CDH12: variants seen among roughly 807,000 people sequenced by gnomAD.
CDH12 encodes cadherin-12.
CDH12 carries 41 observed loss-of-function variants against 74.1 expected under a neutral mutation model. The ratio of observed to expected loss-of-function variants is 0.55; its 90% CI spans 0.43 to 0.72. The LOEUF (loss-of-function observed/expected upper bound fraction) is 0.72. Ranked by LOEUF, CDH12 falls within the 30% of genes least tolerant of loss-of-function variation. CDH12 has a pLI of 0.00. For synonymous variants in CDH12, 399 were observed against 355.0 expected (o/e 1.12, Z -1.39); for missense variants, 945 against 977.2 (o/e 0.97, Z 0.44).
chr5:22,267,431 CT>C (rs1736174766), intron 3 of CDH12, among the ~76,000 whole-genome samples: 1 of 152,080 alleles, frequency 6.6e-6, no homozygotes, highest in African/African-American at 2.4e-5. Flanking sequence ...AATCACAGTG[CT>C]TTATTCTAGA....
chr5:22,476,099 A>T (rs1267042364), intron 2 of CDH12, among the ~76,000 whole-genome samples: 1 of 152,034 alleles, frequency 6.6e-6, no homozygotes, highest in African/African-American at 2.4e-5. Context: ...TATGAATTTG[A>T]GCTAAAATGA....
At chr5:21,944,695 A>G (rs1755489126) in intron 6 of CDH12, among the ~76,000 whole-genome samples, 2 of 152,296 alleles carry the variant, frequency 1.3e-5, no homozygotes, top group African/African-American at 4.8e-5. Flanking sequence ...CCTTGGAAGC[A>G]ACCAAGTGGT....
chr5:22,070,665 C>T (rs1172988554), intron 5 of CDH12, among the ~76,000 whole-genome samples: 1 of 152,186 alleles, frequency 6.6e-6, no homozygotes, highest in Non-Finnish European at 1.5e-5. Context: ...TACACAACTG[C>T]ATGAACCAAT....
At chr5:22,407,478 T>C (rs1742988768) in intron 2 of CDH12, among the ~76,000 whole-genome samples, 1 of 152,114 alleles carries the variant, frequency 6.6e-6, no homozygotes. Context: ...CTTCCCCAAC[T>C]CTAAGTTTTC....
intron 3 of CDH12, among the ~76,000 whole-genome samples, chr5:22,346,219 G>T (rs867198750): frequency 2.0e-5 from 3 of 151,888 alleles, no homozygotes; most frequent in South Asian, 2.1e-4. Context: ...AAATAAAAAG[G>T]TGTCATTCTA....
chr5:22,511,960 C>A (rs1736631983), intron 1 of CDH12, among the ~76,000 whole-genome samples: 1 of 147,292 alleles, frequency 6.8e-6, no homozygotes, highest in Non-Finnish European at 1.5e-5. Flanking sequence ...TGTGTGTGTA[C>A]ATTCAATTAT....
At chr5:22,727,289 T>TC (rs1744209565) in intron 1 of CDH12, among the ~76,000 whole-genome samples, 1 of 151,834 alleles carries the variant, frequency 6.6e-6, no homozygotes, top group Non-Finnish European at 1.5e-5. Flanking sequence ...ATTTGACTGT[T>TC]AATTAGTCTG....
At chr5:22,085,678 G>C (rs1400459378) in intron 4 of CDH12, among the ~76,000 whole-genome samples, 1 of 151,672 alleles carries the variant, frequency 6.6e-6, no homozygotes, top group African/African-American at 2.4e-5. Flanking sequence ...ATAAGGGAAG[G>C]CTTTATTTTC....
At chr5:22,160,009 T>A (rs1171727453) in intron 4 of CDH12, among the ~76,000 whole-genome samples, 1 of 152,052 alleles carries the variant, frequency 6.6e-6, no homozygotes, top group East Asian at 1.9e-4. Context: ...GGAGTAAAAA[T>A]AAAATATGTA....
intron 3 of CDH12, among the ~76,000 whole-genome samples, chr5:22,260,483 A>G (rs1330560966): frequency 6.6e-6 from 1 of 152,046 alleles, no homozygotes; most frequent in African/African-American, 2.4e-5. Context: ...ATCCACAGCC[A>G]TTTATCTTTT....
At chr5:22,487,125 C>T (rs1489074896) in intron 2 of CDH12, among the ~76,000 whole-genome samples, 1 of 151,800 alleles carries the variant, frequency 6.6e-6, no homozygotes, top group Non-Finnish European at 1.5e-5. Context: ...GCCTCAGCCT[C>T]CTGAGTAGCT....
At chr5:22,244,983 G>C (rs1429121549) in intron 3 of CDH12, among the ~76,000 whole-genome samples, 2 of 152,148 alleles carry the variant, frequency 1.3e-5, no homozygotes, top group African/African-American at 4.8e-5. Flanking sequence ...AAGAGTCAGT[G>C]AAGGGACCTT....
chr5:22,091,267 G>A (rs1452614774), intron 4 of CDH12, among the ~76,000 whole-genome samples: 2 of 147,700 alleles, frequency 1.4e-5, no homozygotes, highest in Non-Finnish European at 3.0e-5. Context: ...TAAGATATTT[G>A]TGTGTGTGTT....
At chr5:21,975,950 C>T (rs1227946022) in intron 5 of CDH12, among the ~76,000 whole-genome samples, 4 of 151,972 alleles carry the variant, frequency 2.6e-5, no homozygotes, top group African/African-American at 9.7e-5. Flanking sequence ...TCCAAGTGTT[C>T]TGAAGATGAA....
In CDH12 at chr5:21,837,475, T is replaced by G. The variant is rs558393000; in HGVS notation, c.814+4686A>C. On this transcript the variant is annotated intron_variant, in intron 8 of 14. Transcript: ENST00000382254. ...AAGTTCATCTGGAGAAAGGTTTTTT[T>G]TTTTTTTTTAGCATAAGTGCTTAAG... is the stretch of plus-strand genomic sequence containing the variant. 5.3e-5 allele frequency among the ~76,000 whole-genome samples: 8 copies of G among 152,138 alleles called. No homozygotes were observed. The South Asian group carries it at 1.7e-3, about 32-fold the overall frequency.
intron 4 of CDH12, among the ~76,000 whole-genome samples, chr5:22,173,918 GGA>G (rs1217568194): frequency 2.6e-5 from 4 of 151,946 alleles, no homozygotes; most frequent in Non-Finnish European, 4.4e-5. Context: ...CAAGTGGAAT[GGA>G]GATAGTATGC....
chr5:21,912,745 A>AT (rs1753913023), intron 6 of CDH12, among the ~76,000 whole-genome samples: 1 of 152,152 alleles, frequency 6.6e-6, no homozygotes, highest in East Asian at 1.9e-4. Context: ...AGGTCAGGTA[A>AT]TTTCTTTATT....
chr5:22,178,087 C>A (rs532498919), intron 4 of CDH12, among the ~76,000 whole-genome samples: 1 of 152,236 alleles, frequency 6.6e-6, no homozygotes, highest in African/African-American at 2.4e-5. Context: ...TTCAGGAATA[C>A]CAAGATATTT....
intron 1 of CDH12, among the ~76,000 whole-genome samples, chr5:22,642,203 T>C (rs1332075060): frequency 6.6e-6 from 1 of 152,196 alleles, no homozygotes; most frequent in Non-Finnish European, 1.5e-5. Flanking sequence ...ATAACTAAAA[T>C]AATATATGAA....
Sources: gnomAD v4.1 joint callset for allele counts (sites outside exome capture counted in the v4.1 genomes callset) on GRCh38, gnomAD v4.1.1 for gene constraint, MANE v1.5 for transcripts, NCBI Gene and HGNC (gene_info 2026-07-23, HGNC 2026-07-21) for gene names.